Variants in RALGAPB observed in about 807,000 individuals in gnomAD.
The protein encoded by RALGAPB is Ral GTPase activating protein non-catalytic subunit beta.
RALGAPB carries 25 observed loss-of-function variants against 161.1 expected under a neutral mutation model. That is an observed-to-expected ratio of 0.16 (90% confidence interval 0.11 to 0.22). RALGAPB has a LOEUF of 0.22. Among genes scored for constraint, RALGAPB ranks in the 10% least tolerant of loss-of-function variants. RALGAPB has a pLI of 1.00. For missense variants in RALGAPB, 1,391 were observed against 1,815.2 expected, an observed-to-expected ratio of 0.77 and a Z score of 4.25; for synonymous variants, 629 against 626.1, an observed-to-expected ratio of 1.00 and a Z score of -0.07.
At chr20:38,544,233 T>C (rs1346017370) in intron 18 of RALGAPB, among the ~76,000 whole-genome samples, 1 of 152,242 alleles carries the variant, frequency 6.6e-6, no homozygotes, top group East Asian at 1.9e-4. Context: ...CTCCCACTTC[T>C]ATGCGTTGGT....
chr20:38,536,536 A>T, intron 16 of RALGAPB, among the ~76,000 whole-genome samples: 1 of 152,176 alleles, frequency 6.6e-6, no homozygotes, highest in East Asian at 1.9e-4. Context: ...TAACTTTTTG[A>T]GGAACTGCCA....
intron 1 of RALGAPB, among the ~76,000 whole-genome samples, chr20:38,478,604 A>G (rs1023322721): frequency 6.6e-6 from 1 of 150,496 alleles, no homozygotes; most frequent in Non-Finnish European, 1.5e-5. Context: ...TATTTTTATT[A>G]TTATTTATTT....
chr20:38,492,979 A>G lies in RALGAPB; in HGVS notation c.236A>G (p.Asp79Gly), dbSNP rs1366896401. Residue 79 changes from aspartate (D) to glycine (G), a missense_variant, in exon 3 of 30, where the codon GAT becomes GGT. Asp to Gly is a moderately conservative substitution (Grantham distance 94). Coordinates refer to ENST00000262879, the MANE Select transcript of RALGAPB (RefSeq NM_020336.4). ...TGCTATGGACTGACCCTTCCATTGGATGGAGAGACTGTAAAATATTGCGTT... is the reference window on the plus strand; with the variant it reads ...TGCTATGGACTGACCCTTCCATTGGGTGGAGAGACTGTAAAATATTGCGTT... The part of the protein sequence containing the change: ...VICYGLTLPL[D>G]GETVKYCVDV... The G allele has an allele frequency of 1.9e-6, 3 of 1,612,956 alleles. No homozygotes were observed. Among genetic ancestry groups the G allele is most frequent in the Non-Finnish European group, 8.5e-7 (1 of 1,179,084 alleles).
chr20:38,503,083 T>C lies in RALGAPB; in HGVS notation c.740+3450T>C, dbSNP rs1256743599. On this transcript the variant is annotated intron_variant, in intron 5 of 29. Coordinates refer to ENST00000262879, the MANE Select transcript of RALGAPB (RefSeq NM_020336.4). Reference sequence around the variant, plus strand: ...ATATCTTCTGCTTCAAGCCTACAAGTGTCTGGGACTATGGGTGTGCTGCTG... The same window carrying C: ...ATATCTTCTGCTTCAAGCCTACAAGCGTCTGGGACTATGGGTGTGCTGCTG... 1.1e-4 allele frequency among the ~76,000 whole-genome samples: 16 copies of C among 152,256 alleles called. 1 individual carries two copies. The highest frequency in any genetic ancestry group is 1.0e-3 in the Admixed American group (16 of 15,288).
At chr20:38,483,510 A>T (rs186241020) in intron 1 of RALGAPB, among the ~76,000 whole-genome samples, 2 of 152,182 alleles carry the variant, frequency 1.3e-5, no homozygotes, top group Non-Finnish European at 1.5e-5. Flanking sequence ...TTAAAAATTG[A>T]GCTGTTTTAT....
At chr20:38,569,060 AT>A (rs1313618288) in intron 26 of RALGAPB, 1 of 152,146 alleles carries the variant, frequency 6.6e-6, no homozygotes. Flanking sequence ...TGGTCTGGAC[AT>A]TTTCTGTGAA....
intron 28 of RALGAPB, among the ~76,000 whole-genome samples, chr20:38,571,601 G>A (rs959786239): frequency 2.6e-5 from 4 of 152,058 alleles, no homozygotes; most frequent in Non-Finnish European, 5.9e-5. Context: ...TTGTCTATTC[G>A]TCCATTGATG....
chr20:38,497,335 T>C lies in RALGAPB; in HGVS notation c.390-18T>C, dbSNP rs746829604. On this transcript the variant is annotated intron_variant, in intron 3 of 29. Coordinates refer to ENST00000262879, the MANE Select transcript of RALGAPB (RefSeq NM_020336.4). Reference sequence around the variant, plus strand: ...CTCTCCTCCAGGCTTGTCAGTGATATCTGTCTGTCTTCTTCAGACAGGAAC... The same window carrying C: ...CTCTCCTCCAGGCTTGTCAGTGATACCTGTCTGTCTTCTTCAGACAGGAAC... 4.3e-6 allele frequency: 7 copies of C among 1,610,616 alleles called. No individual in the cohort carries two copies. The highest frequency in any genetic ancestry group is 1.1e-5 in the South Asian group (1 of 90,636).
intron 3 of RALGAPB, 131 bp from the exon 4 acceptor site, chr20:38,497,222 C>G: frequency 1.3e-6 from 1 of 791,296 alleles, no homozygotes; most frequent in African/African-American, 1.7e-5. Flanking sequence ...GACGGTATGC[C>G]TAGCCCTCTC....
intron 22 of RALGAPB, among the ~76,000 whole-genome samples, chr20:38,557,477 G>A (rs1375981192): frequency 6.6e-6 from 1 of 152,140 alleles, no homozygotes; most frequent in East Asian, 1.9e-4. Flanking sequence ...TAGTTTTACT[G>A]CCCTAAAAAT....
intron 6 of RALGAPB, among the ~76,000 whole-genome samples, chr20:38,512,902 G>T (rs1177891901): frequency 6.6e-6 from 1 of 152,090 alleles, no homozygotes; most frequent in Non-Finnish European, 1.5e-5. Flanking sequence ...TGGGACTACA[G>T]GCGCCCACCA....
chr20:38,521,813 A>AGGTATTTC, intron 10 of RALGAPB, 115 bp downstream of exon 10: 2 of 1,061,672 alleles, frequency 1.9e-6, no homozygotes, highest in Non-Finnish European at 2.7e-6. Context: ...AGATGTCTGT[A>AGGTATTTC]AGTGATCGAC....
Position 38,574,762 on chromosome 20 carries a change from T to A in RALGAPB, c.4292-12T>A, listed in dbSNP as rs56370037. On this transcript the variant is annotated splice_polypyrimidine_tract_variant and intron_variant, in intron 29 of 29. Coordinates refer to ENST00000262879, the MANE Select transcript of RALGAPB (RefSeq NM_020336.4). ...GTTTCTAACGTTTATTTTAAAACTC[T>A]CTATTTTCAAGGCTTTCTGGTGAGG... is the stretch of plus-strand genomic sequence containing the variant. 3,203 of 1,609,158 alleles carry A rather than the reference T, an allele frequency of 2.0e-3. 51 individuals are homozygous for A. In the African/African-American group the frequency reaches 0.037, roughly 19 times the overall value.
intron 18 of RALGAPB, among the ~76,000 whole-genome samples, chr20:38,543,050 T>C (rs1004826192): frequency 1.1e-4 from 17 of 152,172 alleles, no homozygotes; most frequent in Non-Finnish European, 2.1e-4. Context: ...GGATATGTGC[T>C]CAGGGTGAGT....
chr20:38,482,244 G>C (rs1228675680), intron 1 of RALGAPB, among the ~76,000 whole-genome samples: 1 of 152,056 alleles, frequency 6.6e-6, no homozygotes, highest in East Asian at 1.9e-4. Flanking sequence ...CTCATCATCT[G>C]CATGTTGAGT....
intron 5 of RALGAPB, among the ~76,000 whole-genome samples, chr20:38,507,103 T>TGTAG (rs1488082317): frequency 4.6e-5 from 7 of 152,182 alleles, no homozygotes; most frequent in African/African-American, 1.7e-4. Flanking sequence ...ATTTGGAAAA[T>TGTAG]GTAGGGACAG....
rs2088499092 is a variant in RALGAPB, at chr20:38,577,977, C to T, written c.*3010C>T. On this transcript the variant is annotated 3_prime_UTR_variant, in exon 30 of 30. Coordinates refer to ENST00000262879, the MANE Select transcript of RALGAPB (RefSeq NM_020336.4). ...GAGTCTTTAAGAGTATTCATTTCTT[C>T]TGGAAGGTGGAGCTTTACCCAAAGT... The T allele has an allele frequency of 6.6e-6, 1 of 152,094 alleles. No homozygotes were observed. The highest frequency in any genetic ancestry group is 1.5e-5 in the Non-Finnish European group (1 of 68,026). 9.4% of individuals were successfully genotyped at this position (152,094 alleles called of 1,614,324 possible).
chr20:38,503,492 A>G (rs760443856), intron 5 of RALGAPB, among the ~76,000 whole-genome samples: 1 of 152,178 alleles, frequency 6.6e-6, no homozygotes, highest in Non-Finnish European at 1.5e-5. Flanking sequence ...GAGAACTACA[A>G]ATTAGAAGTA....
In RALGAPB at chr20:38,483,664, C is replaced by T. The variant is rs146937269; in HGVS notation, c.-30-4739C>T. ...CCTTACAAGTGTGCCAACTTACTAA[C>T]GGGATGGAGCTACAAACAACCCCAT... On this transcript the variant is annotated intron_variant, in intron 1 of 29. Coordinates refer to ENST00000262879, the MANE Select transcript of RALGAPB (RefSeq NM_020336.4). Among the ~76,000 whole-genome samples, 661 of 152,216 alleles carry T rather than the reference C, an allele frequency of 4.3e-3. 4 individuals are homozygous for T. The highest frequency in any genetic ancestry group is 5.0e-3 in the Non-Finnish European group (342 of 68,010).
Sources: allele counts gnomAD v4.1 joint callset (sites outside exome capture counted in the v4.1 genomes callset), GRCh38; gene constraint gnomAD v4.1.1; transcripts MANE v1.5; gene names NCBI Gene and HGNC (gene_info 2026-07-23, HGNC 2026-07-21).